Variants in CAMSAP2 observed in about 807,000 individuals in gnomAD.
The protein encoded by CAMSAP2 is calmodulin-regulated spectrin-associated protein 2.
In CAMSAP2, 26 loss-of-function variants were observed where a neutral mutation model predicts 146.1. The ratio of observed to expected loss-of-function variants is 0.18; its 90% CI spans 0.13 to 0.25. CAMSAP2 has a LOEUF of 0.25. CAMSAP2 is among the 10% of genes least tolerant of loss of function. The pLI is 1.00. For synonymous variants in CAMSAP2, 499 were observed against 596.6 expected, an observed-to-expected ratio of 0.84 and a Z score of 2.38; for missense variants, 1,381 against 1,759.3, an observed-to-expected ratio of 0.78 and a Z score of 3.85.
chr1:200,810,798 A>G (rs183027842), intron 3 of CAMSAP2, among the ~76,000 whole-genome samples: 1 of 152,206 alleles, frequency 6.6e-6, no homozygotes, highest in African/African-American at 2.4e-5. Flanking sequence ...CTGAGACAGG[A>G]GAACCACTTG....
intron 6 of CAMSAP2, among the ~76,000 whole-genome samples, chr1:200,838,879 A>G (rs1008296500): frequency 2.0e-5 from 3 of 152,214 alleles, no homozygotes; most frequent in Non-Finnish European, 4.4e-5. Flanking sequence ...CAAAATCTGC[A>G]TGCTTTGGTG....
At position 200,853,195 on chromosome 1, in the gene CAMSAP2, T is replaced by C; in HGVS notation, c.3603-80T>C. ...GGTGATGAAATAGAATTCTCCTTTC[T>C]CATATCAAATACATAACTCTCTCCT... On this transcript the variant is annotated intron_variant, in intron 12 of 16. Coordinates refer to ENST00000358823, the MANE Select transcript of CAMSAP2 (RefSeq NM_203459.4). This position sits in a 1 kb window ranked among gnomAD's most constrained non-coding sequence, Gnocchi z 5.1. 2 of 1,230,274 alleles carry C rather than the reference T, an allele frequency of 1.6e-6. No individual in the cohort carries two copies. Among genetic ancestry groups the C allele is most frequent in the African/African-American group, 1.5e-5 (1 of 66,182 alleles). 76.2% of individuals were successfully genotyped at this position (1,230,274 alleles called of 1,614,324 possible).
At chr1:200,854,772 G>C in intron 13 of CAMSAP2, 45 bp from the exon 14 acceptor site, 1 of 1,489,928 alleles carries the variant, frequency 6.7e-7, no homozygotes, top group African/African-American at 1.4e-5. Flanking sequence ...TTAAATTTCT[G>C]ATTTTGTTTT....
chr1:200,816,422 G>C (rs991352641), intron 4 of CAMSAP2, among the ~76,000 whole-genome samples: 6 of 150,214 alleles, frequency 4.0e-5, no homozygotes, highest in African/African-American at 1.5e-4. Flanking sequence ...GTAAAACCCC[G>C]TCTCTACTAA....
intron 1 of CAMSAP2, among the ~76,000 whole-genome samples, chr1:200,745,137 A>G (rs1290964408): frequency 1.3e-5 from 2 of 152,320 alleles, no homozygotes; most frequent in Middle Eastern, 3.4e-3. Flanking sequence ...GGGTTTCTCA[A>G]CTGCAGAACT....
intron 7 of CAMSAP2, among the ~76,000 whole-genome samples, chr1:200,842,738 G>A (rs1667355914): frequency 6.6e-6 from 1 of 152,104 alleles, no homozygotes; most frequent in South Asian, 2.1e-4. Flanking sequence ...CACTTTGAGA[G>A]GCCTAGGCGG....
intron 3 of CAMSAP2, among the ~76,000 whole-genome samples, chr1:200,807,827 G>C (rs572933039): frequency 6.9e-6 from 1 of 144,880 alleles, no homozygotes; most frequent in East Asian, 2.0e-4. Context: ...TGCAACCTCC[G>C]CCCTTCAGGT....
chr1:200,789,190 A>C (rs950130762), intron 2 of CAMSAP2, among the ~76,000 whole-genome samples: 4 of 152,144 alleles, frequency 2.6e-5, no homozygotes, highest in Non-Finnish European at 5.9e-5. Context: ...ATTTTAATAA[A>C]GTCCAGCTTA....
chr1:200,791,294 G>T (rs996852758), intron 2 of CAMSAP2, among the ~76,000 whole-genome samples: 1 of 152,018 alleles, frequency 6.6e-6, no homozygotes, highest in Non-Finnish European at 1.5e-5. Flanking sequence ...CTGCTTTTAA[G>T]ATTTCTTTCT....
At chr1:200,777,065 G>A (rs1274158550) in intron 2 of CAMSAP2, among the ~76,000 whole-genome samples, 2 of 152,178 alleles carry the variant, frequency 1.3e-5, no homozygotes, top group South Asian at 2.1e-4. Flanking sequence ...GAGAATGAGA[G>A]AAGGATGACC....
At chr1:200,798,092 A>T (rs1302315394) in intron 2 of CAMSAP2, among the ~76,000 whole-genome samples, 4 of 148,648 alleles carry the variant, frequency 2.7e-5, no homozygotes, top group Non-Finnish European at 6.0e-5. Context: ...GTATAGTTTG[A>T]AGTCAGGTAG....
intron 2 of CAMSAP2, among the ~76,000 whole-genome samples, chr1:200,766,647 C>G (rs1664960808): frequency 6.6e-6 from 1 of 151,334 alleles, no homozygotes; most frequent in Non-Finnish European, 1.5e-5. Context: ...ACTATAAATC[C>G]TATATTCTTT....
chr1:200,808,798 G>C (rs1261906879), intron 3 of CAMSAP2, among the ~76,000 whole-genome samples: 1 of 152,084 alleles, frequency 6.6e-6, no homozygotes, highest in Non-Finnish European at 1.5e-5. Context: ...ATAAACTATT[G>C]AGCCTATTAA....
At chr1:200,839,083 A>G (rs948436207) in intron 6 of CAMSAP2, among the ~76,000 whole-genome samples, 11 of 152,240 alleles carry the variant, frequency 7.2e-5, no homozygotes, top group Non-Finnish European at 1.3e-4. Flanking sequence ...CACTGCATAT[A>G]TAAGTGCAGT....
chr1:200,826,019 A>C (rs1426558210), intron 4 of CAMSAP2, among the ~76,000 whole-genome samples: 3 of 152,228 alleles, frequency 2.0e-5, no homozygotes. Flanking sequence ...ATTGAAGGGT[A>C]AATGCATACT....
chr1:200,845,252 C>T, intron 8 of CAMSAP2, among the ~76,000 whole-genome samples: 1 of 90,460 alleles, frequency 1.1e-5, no homozygotes, highest in Admixed American at 1.3e-4. Flanking sequence ...GAAGGTTTTT[C>T]CTGCTTTTTT....
rs1437563207 is a variant in CAMSAP2 at position 200,817,189 on chromosome 1, C to CACACACACAT, written c.645+1546_645+1547insCACACACATA. On this transcript the variant is annotated intron_variant, in intron 4 of 16. Transcript: ENST00000358823. ...ACGTGTGTGTATATACACACACACACATGTGTGTGTGTATACACACATACA... is the reference window on the plus strand; with the variant it reads ...ACGTGTGTGTATATACACACACACACACACACACATATGTGTGTGTGTATACACACATACA... Among the ~76,000 whole-genome samples the CACACACACAT allele has an allele frequency of 1.7e-4, 19 of 112,044 alleles. 1 individual carries two copies. The highest frequency in any genetic ancestry group is 5.5e-4 in the East Asian group (2 of 3,648). 73.5% of individuals were successfully genotyped at this position (112,044 alleles called of 152,430 possible). A position where few individuals can be genotyped will look rare whatever the true frequency, so the allele number is the denominator to read the frequency against.
At position 200,743,014 on chromosome 1, in the gene CAMSAP2, G is replaced by A. The variant is rs114854458; in HGVS notation, c.139+3048G>A. On this transcript the variant is annotated intron_variant, in intron 1 of 16. Transcript: ENST00000358823. ...TATTTTGTGGAAGATGCAGATACAG[G>A]TTTGATTAAATGAAGAATACATTTT... 4.5e-3 allele frequency among the ~76,000 whole-genome samples: 691 copies of A among 152,272 alleles called. 5 individuals are homozygous for A. The highest frequency in any genetic ancestry group is 0.01 in the Middle Eastern group (3 of 294).
At chr1:200,807,226 T>C (rs1320375517) in intron 2 of CAMSAP2, 150 bp from the exon 3 acceptor site, 1 of 504,250 alleles carries the variant, frequency 2.0e-6, no homozygotes, top group Non-Finnish European at 3.2e-6. Flanking sequence ...AGCTCATCTT[T>C]AGCATGTACA....
Sources: allele counts gnomAD v4.1 joint callset (sites outside exome capture counted in the v4.1 genomes callset), GRCh38; gene constraint gnomAD v4.1.1; non-coding constraint Gnocchi (gnomAD v3.1); transcripts MANE v1.5; gene names NCBI Gene and HGNC (gene_info 2026-07-23, HGNC 2026-07-21).